FAM163A: variants seen among roughly 807,000 people sequenced by gnomAD.
FAM163A encodes protein FAM163A.
Under a neutral mutation model 12.0 loss-of-function variants are expected in FAM163A, and 7 were observed. That is an observed-to-expected ratio of 0.58 (90% CI 0.33 to 1.10). The LOEUF (loss-of-function observed/expected upper bound fraction) is 1.10. Among genes scored for constraint, FAM163A ranks in the 50% least tolerant of loss-of-function variants. The probability of loss-of-function intolerance (pLI) is 0.03; values close to 1 mark genes in which losing one functional copy is unlikely to be tolerated. For synonymous variants in FAM163A, 101 were observed against 91.0 expected (o/e 1.11, Z -0.62); for missense variants, 202 against 218.6 (o/e 0.92, Z 0.48).
chr1:179,805,544 CAAA>C (rs201616237), intron 1 of FAM163A, among the ~76,000 whole-genome samples: 3 of 127,166 alleles, frequency 2.4e-5, no homozygotes. Flanking sequence ...AACTCCGTCT[CAAA>C]AAAAAAAAAA....
At chr1:179,739,666 T>C (rs1342388312), upstream of FAM163A, among the ~76,000 whole-genome samples, 1 of 152,152 alleles carries the variant, frequency 6.6e-6, no homozygotes, top group Non-Finnish European at 1.5e-5. Context: ...ATCTAGACTA[T>C]ATAGAGAACT....
At position 179,813,808 on chromosome 1, in the gene FAM163A, G is replaced by A; in HGVS notation, c.123G>A (p.Glu41=). The A allele has an allele frequency of 6.2e-7, 1 of 1,614,004 alleles. No individual in the cohort carries two copies. Among genetic ancestry groups the A allele is most frequent in the Non-Finnish European group, 8.5e-7 (1 of 1,180,026 alleles). Residue 41 remains glutamate, a synonymous_variant, in exon 5 of 5, where the codon GAG becomes GAA. Coordinates refer to ENST00000341785, the MANE Select transcript of FAM163A (RefSeq NM_173509.3). ...ACTGCTGCAAGAAGAGCGGAACCGA[G>A]GTTGCAGACGAGGAGGAGGAGCGGG... ...QYYCCKKSGT[E]VADEEEEREH...
rs147545320 is a variant in FAM163A at position 179,804,927 on chromosome 1, A to G, written c.-135-2871A>G. On this transcript the variant is annotated intron_variant, in intron 1 of 4. Transcript: ENST00000341785. ...ATGACATGAGTTGACCTGTGTGACA[A>G]ACCTGCACTTGTATCCCCAAACCTA... Among the ~76,000 whole-genome samples the G allele has an allele frequency of 3.8e-4, 58 of 152,350 alleles. No individual in the cohort carries two copies. In the East Asian group the frequency reaches 0.011, roughly 29 times the overall value.
At chr1:179,754,376 C>G (rs905407555) in intron 1 of FAM163A, among the ~76,000 whole-genome samples, 1 of 152,010 alleles carries the variant, frequency 6.6e-6, no homozygotes, top group Non-Finnish European at 1.5e-5. Context: ...CAGCTTTGCA[C>G]CAGGCCTGCA....
intron 1 of FAM163A, among the ~76,000 whole-genome samples, chr1:179,797,565 A>G (rs1411736333): frequency 6.6e-6 from 1 of 152,206 alleles, no homozygotes. Flanking sequence ...AAAATTGCCA[A>G]GAGAGTACAT....
chr1:179,787,518 TAGA>T (rs1391550545), intron 1 of FAM163A, among the ~76,000 whole-genome samples: 1 of 152,138 alleles, frequency 6.6e-6, no homozygotes, highest in African/African-American at 2.4e-5. Context: ...GCTATAATAT[TAGA>T]AGATCTACAG....
At chr1:179,778,630 A>G (rs1178147334) in intron 1 of FAM163A, among the ~76,000 whole-genome samples, 1 of 152,218 alleles carries the variant, frequency 6.6e-6, no homozygotes, top group East Asian at 1.9e-4. Flanking sequence ...AGATAGTAGC[A>G]TTCCAAGCAA....
At position 179,814,360 on chromosome 1, in the gene FAM163A, C is replaced by A; in HGVS notation, c.*171C>A. 1 of 871,566 alleles carries A rather than the reference C, an allele frequency of 1.1e-6. No homozygotes were observed. Among genetic ancestry groups the A allele is most frequent in the Non-Finnish European group, 1.7e-6 (1 of 594,810 alleles). 54.0% of individuals were successfully genotyped at this position (871,566 alleles called of 1,614,324 possible). A position where few individuals can be genotyped will look rare whatever the true frequency, so the allele number is the denominator to read the frequency against. On this transcript the variant is annotated 3_prime_UTR_variant, in exon 5 of 5. Coordinates refer to ENST00000341785, the MANE Select transcript of FAM163A (RefSeq NM_173509.3). ...TTAAGCTTTTGAGTGCATTGAGAAC[C>A]AAGACAGGGCCTGGCTCCAACTCTG...
intron 1 of FAM163A, among the ~76,000 whole-genome samples, chr1:179,806,826 G>A (rs751505776): frequency 4.6e-5 from 7 of 151,624 alleles, no homozygotes; most frequent in Non-Finnish European, 8.8e-5. Flanking sequence ...TGTCCTGGCC[G>A]GGCATAGTGG....
At chr1:179,780,356 CA>C (rs1321927547) in intron 1 of FAM163A, among the ~76,000 whole-genome samples, 2 of 152,316 alleles carry the variant, frequency 1.3e-5, no homozygotes, top group African/African-American at 4.8e-5. Flanking sequence ...AAATTTTGAA[CA>C]TAAAACATAC....
chr1:179,766,271 T>C (rs1453778479), intron 1 of FAM163A, among the ~76,000 whole-genome samples: 1 of 152,206 alleles, frequency 6.6e-6, no homozygotes, highest in Non-Finnish European at 1.5e-5. Flanking sequence ...GCCCTCCGCT[T>C]TCCCATAAAG....
chr1:179,770,711 C>G (rs757424977), intron 1 of FAM163A, among the ~76,000 whole-genome samples: 8 of 152,146 alleles, frequency 5.3e-5, no homozygotes, highest in Non-Finnish European at 8.8e-5. Context: ...GCGCACCCCA[C>G]AGGCCTCAGC....
chr1:179,794,050 C>T (rs1482324735), intron 1 of FAM163A, among the ~76,000 whole-genome samples: 1 of 152,218 alleles, frequency 6.6e-6, no homozygotes, highest in Non-Finnish European at 1.5e-5. Context: ...CCAGCATCTT[C>T]CAAGGTAGCA....
chr1:179,741,495 A>C (rs752759584), upstream of FAM163A, among the ~76,000 whole-genome samples: 4 of 152,392 alleles, frequency 2.6e-5, 1 homozygote, highest in South Asian at 8.3e-4. Flanking sequence ...CATTAGCAAT[A>C]GCACTTGTAA....
At chr1:179,753,315 G>A (rs547181394) in intron 1 of FAM163A, among the ~76,000 whole-genome samples, 4 of 152,196 alleles carry the variant, frequency 2.6e-5, no homozygotes, top group Non-Finnish European at 5.9e-5. Flanking sequence ...GGGAGAAGGG[G>A]GAGTTGGTAA....
intron 1 of FAM163A, among the ~76,000 whole-genome samples, chr1:179,757,016 G>A (rs781248821): frequency 2.6e-5 from 4 of 152,214 alleles, no homozygotes; most frequent in East Asian, 3.8e-4. Flanking sequence ...GCAAGTTTAC[G>A]CAAACATTAG....
intron 1 of FAM163A, among the ~76,000 whole-genome samples, chr1:179,805,914 G>A (rs916631646): frequency 7.9e-5 from 12 of 152,188 alleles, no homozygotes; most frequent in African/African-American, 2.7e-4. Flanking sequence ...TCTCTTCCAG[G>A]AGTCTTTTGC....
chr1:179,771,075 G>C (rs927829011), intron 1 of FAM163A, among the ~76,000 whole-genome samples: 3 of 151,992 alleles, frequency 2.0e-5, no homozygotes, highest in African/African-American at 4.8e-5. Flanking sequence ...TGCTTTTTCC[G>C]GTATGATCTC....
chr1:179,794,559 G>A (rs1691995945), intron 1 of FAM163A, among the ~76,000 whole-genome samples: 1 of 152,126 alleles, frequency 6.6e-6, no homozygotes, highest in South Asian at 2.1e-4. Flanking sequence ...ATGAAACTAG[G>A]CAAACCAAAA....
Sources: gnomAD v4.1 joint callset for allele counts (sites outside exome capture counted in the v4.1 genomes callset) on GRCh38, gnomAD v4.1.1 for gene constraint, MANE v1.5 for transcripts, NCBI Gene and HGNC (gene_info 2026-07-23, HGNC 2026-07-21) for gene names.